The following SPIDR variants were observed in gnomAD, a reference collection of about 807,000 sequenced individuals.
SPIDR encodes the protein scaffold protein involved in DNA repair.
A neutral mutation model predicts 104.6 loss-of-function variants in SPIDR; 93 were observed. The observed-to-expected ratio is 0.89, with a 90% CI of 0.75 to 1.06. The LOEUF (loss-of-function observed/expected upper bound fraction) is 1.06, where lower values mean the gene tolerates loss of function less well. Among genes scored for constraint, SPIDR ranks in the 50% least tolerant of loss-of-function variants. SPIDR has a pLI of 0.00. For synonymous variants in SPIDR, 431 were observed against 416.9 expected, an observed-to-expected ratio of 1.03 and a Z score of -0.41; for missense variants, 1,154 against 1,111.2, an observed-to-expected ratio of 1.04 and a Z score of -0.55.
At chr8:47,307,406 A>T (rs917854598) in intron 5 of SPIDR, among the ~76,000 whole-genome samples, 5 of 150,080 alleles carry the variant, frequency 3.3e-5, no homozygotes, top group Admixed American at 6.6e-5. Context: ...TTTAGTAGAG[A>T]TGGGGTTCCA....
intron 8 of SPIDR, among the ~76,000 whole-genome samples, chr8:47,462,607 A>G (rs990166422): frequency 1.3e-5 from 2 of 152,256 alleles, no homozygotes; most frequent in African/African-American, 4.8e-5. Context: ...ATGTAAGTAC[A>G]TATATTGAAG....
intron 10 of SPIDR, among the ~76,000 whole-genome samples, chr8:47,631,989 G>C (rs1721947199): frequency 6.6e-6 from 1 of 152,122 alleles, no homozygotes. Context: ...TTTTGCAGGA[G>C]TCACAGATGT....
At chr8:47,454,673 A>C (rs1554708708) in intron 8 of SPIDR, among the ~76,000 whole-genome samples, 1 of 152,146 alleles carries the variant, frequency 6.6e-6, no homozygotes, top group African/African-American at 2.4e-5. Context: ...ACTGTCAACC[A>C]AGATTGTATA....
chr8:47,304,242 A>G (rs1290968460), intron 5 of SPIDR, among the ~76,000 whole-genome samples: 1 of 152,266 alleles, frequency 6.6e-6, no homozygotes, highest in South Asian at 2.1e-4. Flanking sequence ...TGTAATTTCC[A>G]TTGTTGGAAA....
chr8:47,271,331 C>G (rs1297081937), intron 1 of SPIDR, among the ~76,000 whole-genome samples: 1 of 152,104 alleles, frequency 6.6e-6, no homozygotes, highest in African/African-American at 2.4e-5. Context: ...TTCTGAGACT[C>G]TTATTATGCA....
intron 5 of SPIDR, chr8:47,361,034 G>C (rs1554629676): frequency 1.0e-6 from 1 of 953,906 alleles, no homozygotes. Context: ...GCTGATAAAA[G>C]TGTAAAAAAT....
intron 1 of SPIDR, among the ~76,000 whole-genome samples, chr8:47,270,912 A>G (rs933750756): frequency 2.0e-5 from 3 of 152,126 alleles, no homozygotes; most frequent in African/African-American, 4.8e-5. Context: ...ATTATTGTCT[A>G]AGAACAGTAT....
rs146812613 is a variant in SPIDR at position 47,689,403 on chromosome 8, G to A, written c.1686-11000G>A. On this transcript the variant is annotated intron_variant, in intron 11 of 19. Transcript: ENST00000297423. ...TGAAGTGTAAAAGTCAAGAGCTACC[G>A]TTTATCGCAGGCCAATTAGGTCCGT... Among the ~76,000 whole-genome samples the A allele has an allele frequency of 1.0e-3, 152 of 152,292 alleles. 3 individuals carry two copies. Among genetic ancestry groups the A allele is most frequent in the Admixed American group, 9.1e-3 (140 of 15,304 alleles).
intron 8 of SPIDR, among the ~76,000 whole-genome samples, chr8:47,462,532 C>T (rs573736647): frequency 4.6e-5 from 7 of 152,016 alleles, no homozygotes; most frequent in African/African-American, 7.2e-5. Context: ...TGAATGAAAA[C>T]GAAAACATAA....
chr8:47,314,100 A>G (rs1157759045), intron 5 of SPIDR, among the ~76,000 whole-genome samples: 2 of 152,210 alleles, frequency 1.3e-5, no homozygotes, highest in East Asian at 1.9e-4. Flanking sequence ...TATGGCATTT[A>G]TATATGACTG....
chr8:47,502,170 A>G (rs569568864), intron 8 of SPIDR, among the ~76,000 whole-genome samples: 24 of 152,278 alleles, frequency 1.6e-4, no homozygotes, highest in Non-Finnish European at 3.4e-4. Flanking sequence ...TGAGTTAGGG[A>G]CGATTCCCTC....
chr8:47,702,762 G>A (rs1388602170), intron 14 of SPIDR, among the ~76,000 whole-genome samples: 5 of 152,222 alleles, frequency 3.3e-5, no homozygotes, highest in African/African-American at 1.2e-4. Flanking sequence ...GGGTGCATCT[G>A]CCATGGTGCA....
rs1183447584 is a variant in SPIDR at position 47,331,965 on chromosome 8, CTTTT to C, written c.525+37953_525+37956del. Among the ~76,000 whole-genome samples the C allele has an allele frequency of 3.7e-3, 120 of 32,710 alleles. 1 individual carries two copies. Among genetic ancestry groups the C allele is most frequent in the African/African-American group, 9.0e-3 (112 of 12,402 alleles). The allele number at this position is 32,710 out of a possible 152,430, so 21.5% of individuals were successfully genotyped here. ...TTTCTATTTAAAAAATTTTTTTAAA[CTTTT>C]TTTTTTTTTTTTTTTTTCTCTTTTT... is the stretch of plus-strand genomic sequence containing the variant. On this transcript the variant is annotated intron_variant, in intron 5 of 19. Coordinates refer to ENST00000297423, the MANE Select transcript of SPIDR (RefSeq NM_001080394.4).
At chr8:47,560,166 G>T (rs1226210382) in intron 8 of SPIDR, among the ~76,000 whole-genome samples, 1 of 152,220 alleles carries the variant, frequency 6.6e-6, no homozygotes, top group Non-Finnish European at 1.5e-5. Flanking sequence ...GCAACTGTCA[G>T]TGTGAAACTT....
intron 8 of SPIDR, among the ~76,000 whole-genome samples, chr8:47,516,905 T>G (rs941306596): frequency 6.6e-6 from 1 of 152,202 alleles, no homozygotes; most frequent in Non-Finnish European, 1.5e-5. Flanking sequence ...CATGGGAGTT[T>G]CAGTTTCTCC....
intron 14 of SPIDR, among the ~76,000 whole-genome samples, chr8:47,705,146 G>T (rs2080896203): frequency 6.6e-6 from 1 of 152,390 alleles, no homozygotes; most frequent in East Asian, 1.9e-4. Flanking sequence ...CAAAATGCTT[G>T]CACCAAAGCC....
chr8:47,454,500 GGGAA>G (rs781888352), intron 8 of SPIDR, among the ~76,000 whole-genome samples: 10 of 151,948 alleles, frequency 6.6e-5, no homozygotes, highest in Non-Finnish European at 1.3e-4. Context: ...TGGGGAAGCG[GGGAA>G]GGGATAGGAT....
intron 8 of SPIDR, among the ~76,000 whole-genome samples, chr8:47,525,470 T>G (rs2084828064): frequency 6.6e-6 from 1 of 152,256 alleles, no homozygotes; most frequent in African/African-American, 2.4e-5. Flanking sequence ...ATGTTCTCCC[T>G]CTTTCCAAAG....
intron 5 of SPIDR, among the ~76,000 whole-genome samples, chr8:47,346,212 T>C (rs567347432): frequency 6.6e-6 from 1 of 152,346 alleles, no homozygotes; most frequent in East Asian, 1.9e-4. Context: ...TCTGCATCTA[T>C]TGAGATAATC....
Sources: allele counts gnomAD v4.1 joint callset (sites outside exome capture counted in the v4.1 genomes callset), GRCh38; gene constraint gnomAD v4.1.1; transcripts MANE v1.5; gene names NCBI Gene and HGNC (gene_info 2026-07-23, HGNC 2026-07-21).